Variants in TIAM1 observed in about 807,000 individuals in gnomAD.
TIAM1 encodes the protein TIAM Rac1 associated GEF 1.
TIAM1 carries 65 observed loss-of-function variants against 163.5 expected under a neutral mutation model. That is an observed-to-expected ratio of 0.40 (90% CI 0.33 to 0.49). TIAM1 has a LOEUF of 0.49. TIAM1 is among the 20% of genes least tolerant of loss of function. The probability of loss-of-function intolerance (pLI) is 0.77; values close to 1 mark genes in which losing one functional copy is unlikely to be tolerated. For synonymous variants in TIAM1, 833 were observed against 810.1 expected, an observed-to-expected ratio of 1.03 and a Z score of -0.48; for missense variants, 1,789 against 2,044.7, an observed-to-expected ratio of 0.87 and a Z score of 2.41.
intron 8 of TIAM1, among the ~76,000 whole-genome samples, chr21:31,219,850 T>C (rs1271793241): frequency 6.6e-6 from 1 of 152,150 alleles, no homozygotes; most frequent in East Asian, 1.9e-4. Flanking sequence ...ACCGGAGGTG[T>C]CACAGGGAAC....
At position 31,213,414 on chromosome 21, in the gene TIAM1, A is replaced by C; in HGVS notation, c.2201T>G (p.Ile734Ser). ...KKSLEGIFDD[I>S]VPDGKREKEV... ...TATTTTTACCTTGCCATCTGGAACA[A>C]TGTCATCAAATATTCCCTCTAAAGA... Residue 734 changes from isoleucine to serine, a missense_variant, in exon 10 of 28, where the codon ATT (isoleucine) becomes AGT (serine). By Grantham distance (142) the Ile-to-Ser change is moderately radical (BLOSUM62 -2). Coordinates refer to ENST00000541036, the MANE Select transcript of TIAM1 (RefSeq NM_001353694.2). 3 of 1,610,660 alleles carry C rather than the reference A, an allele frequency of 1.9e-6. No individual in the cohort carries two copies. Among genetic ancestry groups the C allele is most frequent in the Non-Finnish European group, 2.5e-6 (3 of 1,179,402 alleles).
At chr21:31,557,404 T>C (rs958009412) in intron 1 of TIAM1, among the ~76,000 whole-genome samples, 2 of 152,198 alleles carry the variant, frequency 1.3e-5, no homozygotes, top group Admixed American at 1.3e-4. Context: ...GTCACTGTGC[T>C]TTGAGGTTAA....
At position 31,231,088 on chromosome 21, in the gene TIAM1, C is replaced by A. The variant is rs148747254; in HGVS notation, c.1585-5138G>T. ...GAGTAGAAGTGACATCACTGCTCAA[C>A]AAAAGCCTGATTCGCCCCATTCTTG... On this transcript the variant is annotated intron_variant, in intron 6 of 27. Coordinates refer to ENST00000541036, the MANE Select transcript of TIAM1 (RefSeq NM_001353694.2). Among the ~76,000 whole-genome samples the A allele has an allele frequency of 2.9e-3, 438 of 152,284 alleles. 4 individuals are homozygous for A. The highest frequency in any genetic ancestry group is 0.01 in the African/African-American group (426 of 41,550).
At chr21:31,185,253 TG>T (rs1386068720) in intron 14 of TIAM1, among the ~76,000 whole-genome samples, 1 of 151,816 alleles carries the variant, frequency 6.6e-6, no homozygotes, top group Non-Finnish European at 1.5e-5. Flanking sequence ...GCGAGTATAG[TG>T]GGTCGAATAG....
chr21:31,503,608 G>GA (rs1569393694), intron 1 of TIAM1, among the ~76,000 whole-genome samples: 63 of 105,080 alleles, frequency 6.0e-4, no homozygotes, highest in East Asian at 1.3e-3. Flanking sequence ...GGGGAGGGGA[G>GA]GGGAGGGACC....
At chr21:31,133,928 C>T (rs1338260484) in intron 23 of TIAM1, among the ~76,000 whole-genome samples, 17 of 151,998 alleles carry the variant, frequency 1.1e-4, no homozygotes, top group Non-Finnish European at 7.4e-5. Context: ...ATTAGCTGGG[C>T]GTGGTGGTGC....
intron 2 of TIAM1, among the ~76,000 whole-genome samples, chr21:31,286,698 G>A (rs1396460301): frequency 6.6e-6 from 1 of 152,182 alleles, no homozygotes; most frequent in Non-Finnish European, 1.5e-5. Context: ...AGGCAACAGA[G>A]AGAGATCCTG....
At chr21:31,146,775 G>C in intron 20 of TIAM1, 120 bp downstream of exon 20, 3 of 715,556 alleles carry the variant, frequency 4.2e-6, no homozygotes, top group African/African-American at 1.8e-5. Flanking sequence ...TCAGTGGCTT[G>C]CTGGAACATC....
chr21:31,334,990 C>A (rs2075793305), intron 2 of TIAM1, among the ~76,000 whole-genome samples: 1 of 152,098 alleles, frequency 6.6e-6, no homozygotes. Context: ...CCGGAGTGGC[C>A]ATCTGTCCCT....
At chr21:31,143,819 C>T (rs1464003374) in intron 20 of TIAM1, among the ~76,000 whole-genome samples, 3 of 151,768 alleles carry the variant, frequency 2.0e-5, no homozygotes, top group Non-Finnish European at 4.4e-5. Flanking sequence ...CTCTACCTCC[C>T]GAGTTCAAGC....
chr21:31,473,562 A>G (rs1032275600), intron 1 of TIAM1, among the ~76,000 whole-genome samples: 2 of 148,350 alleles, frequency 1.3e-5, no homozygotes, highest in Admixed American at 1.4e-4. Flanking sequence ...TCAGGTCACT[A>G]TGTTGGCTTC....
chr21:31,401,314 T>C (rs188926687), intron 2 of TIAM1, among the ~76,000 whole-genome samples: 31 of 152,324 alleles, frequency 2.0e-4, no homozygotes, highest in African/African-American at 6.7e-4. Flanking sequence ...CAGCTACAGA[T>C]AGACTCCAGC....
chr21:31,362,107 G>A (rs981700228), intron 2 of TIAM1, among the ~76,000 whole-genome samples: 3 of 151,996 alleles, frequency 2.0e-5, no homozygotes, highest in African/African-American at 4.8e-5. Flanking sequence ...TTACAGTGAG[G>A]TATGATTGTG....
At chr21:31,394,728 TCACACACACACACACA>T (rs71318270) in intron 2 of TIAM1, among the ~76,000 whole-genome samples, 46 of 95,726 alleles carry the variant, frequency 4.8e-4, no homozygotes, top group East Asian at 1.8e-3. Context: ...TCTCTCTCTC[TCACACACACACACACA>T]CACACACACA....
At chr21:31,261,439 C>A (rs938871021) in intron 4 of TIAM1, among the ~76,000 whole-genome samples, 1 of 152,012 alleles carries the variant, frequency 6.6e-6, no homozygotes, top group African/African-American at 2.4e-5. Flanking sequence ...TGGCCGGGTG[C>A]GGTGGCTCAC....
chr21:31,417,607 T>C (rs893731491), intron 2 of TIAM1, among the ~76,000 whole-genome samples: 14 of 152,234 alleles, frequency 9.2e-5, no homozygotes, highest in African/African-American at 3.4e-4. Flanking sequence ...CAATTCAAGA[T>C]GAGATTTGGG....
At chr21:31,397,236 TAAC>T (rs2077088593) in intron 2 of TIAM1, among the ~76,000 whole-genome samples, 1 of 152,170 alleles carries the variant, frequency 6.6e-6, no homozygotes, top group Non-Finnish European at 1.5e-5. Context: ...TATGATCTCT[TAAC>T]AAAGAACTAT....
intron 2 of TIAM1, among the ~76,000 whole-genome samples, chr21:31,331,962 C>T (rs965274034): frequency 1.3e-5 from 2 of 152,152 alleles, no homozygotes; most frequent in African/African-American, 4.8e-5. Context: ...AAACATAATC[C>T]GTGTCTAACA....
At chr21:31,550,202 A>G (rs2048637404) in intron 1 of TIAM1, among the ~76,000 whole-genome samples, 1 of 152,202 alleles carries the variant, frequency 6.6e-6, no homozygotes, top group Admixed American at 6.5e-5. Flanking sequence ...AACAGTAACT[A>G]CACACAAAGG....
Sources: gnomAD v4.1 joint callset for allele counts (sites outside exome capture counted in the v4.1 genomes callset) on GRCh38, gnomAD v4.1.1 for gene constraint, MANE v1.5 for transcripts, NCBI Gene and HGNC (gene_info 2026-07-23, HGNC 2026-07-21) for gene names.